Variants in CDC20B observed in about 807,000 individuals in gnomAD.
The protein encoded by CDC20B is cell division cycle protein 20 homolog B.
In CDC20B, 58 loss-of-function variants were observed where a neutral mutation model predicts 64.1. The ratio of observed to expected loss-of-function variants is 0.90; its 90% confidence interval spans 0.73 to 1.13. CDC20B has a LOEUF of 1.13. Ranked by LOEUF, CDC20B falls within the 50% of genes most tolerant of loss-of-function variation. CDC20B has a pLI of 0.00. For missense variants in CDC20B, 597 were observed against 633.0 expected, an observed-to-expected ratio of 0.94 and a Z score of 0.61; for synonymous variants, 243 against 230.6, an observed-to-expected ratio of 1.05 and a Z score of -0.49.
chr5:55,143,187 A>T (rs1279957424), intron 4 of CDC20B, among the ~76,000 whole-genome samples: 1 of 152,184 alleles, frequency 6.6e-6, no homozygotes, highest in Non-Finnish European at 1.5e-5. Flanking sequence ...ACAGCAAGAG[A>T]TCCTTAGGCT....
At position 55,120,440 on chromosome 5, in the gene CDC20B, T is replaced by C. The variant is rs201051311; in HGVS notation, c.1326A>G (p.Pro442=). Residue 442 remains proline (P), a synonymous_variant, in exon 10 of 12, where the codon CCA becomes CCG. Coordinates refer to ENST00000381375, the MANE Select transcript of CDC20B (RefSeq NM_001170402.1). The part of the protein sequence containing the change: ...DINAGKSIQT[P]STNSQICSLI... ...AGATATTAACCTGTGAGTTTGTGCT[T>C]GGGGTCTGGATGCTCTTCCCAGCAT... 13 of 1,613,670 alleles carry C rather than the reference T, an allele frequency of 8.1e-6. No homozygotes were observed. Among genetic ancestry groups the C allele is most frequent in the Non-Finnish European group, 1.1e-5 (13 of 1,179,770 alleles).
chr5:55,125,759 A>G (rs528275756), intron 8 of CDC20B, among the ~76,000 whole-genome samples: 137 of 152,370 alleles, frequency 9.0e-4, no homozygotes, highest in African/African-American at 3.2e-3. Context: ...CTCAAAGTCC[A>G]GTGTCGCATT....
chr5:55,119,764 T>A (rs1466920468), intron 11 of CDC20B, 37 bp downstream of exon 11: 1 of 1,260,164 alleles, frequency 7.9e-7, no homozygotes, highest in South Asian at 1.2e-5. Context: ...CTCACTTTGC[T>A]ATAGGTGCAT....
chr5:55,137,661 TAAGTC>T (rs920721336), intron 5 of CDC20B: 1 of 456,712 alleles, frequency 2.2e-6, no homozygotes. Flanking sequence ...GAGACATAGG[TAAGTC>T]AAGTCAAGTT....
intron 2 of CDC20B, among the ~76,000 whole-genome samples, chr5:55,171,898 C>T (rs1432894370): frequency 2.0e-5 from 3 of 152,286 alleles, no homozygotes; most frequent in South Asian, 2.1e-4. Context: ...AGCCACAGTG[C>T]CTAGTTGCAA....
At chr5:55,115,922 A>G (rs1448267090) in intron 11 of CDC20B, among the ~76,000 whole-genome samples, 3 of 152,172 alleles carry the variant, frequency 2.0e-5, no homozygotes, top group African/African-American at 7.2e-5. Flanking sequence ...CACACGCACC[A>G]GTAAAGGATG....
chr5:55,138,519 T>C (rs1195999690), intron 5 of CDC20B, among the ~76,000 whole-genome samples: 1 of 152,082 alleles, frequency 6.6e-6, no homozygotes, highest in Non-Finnish European at 1.5e-5. Context: ...AGAACTAAGC[T>C]CTTTACCCTA....
chr5:55,120,856 T>C (rs1742739570), intron 9 of CDC20B, among the ~76,000 whole-genome samples: 1 of 152,166 alleles, frequency 6.6e-6, no homozygotes, highest in Admixed American at 6.5e-5. Context: ...CAATACATCC[T>C]ATGGGGCAAA....
intron 5 of CDC20B, among the ~76,000 whole-genome samples, chr5:55,134,776 A>G (rs1743119903): frequency 6.6e-6 from 1 of 152,174 alleles, no homozygotes; most frequent in South Asian, 2.1e-4. Context: ...CCTTAAATGC[A>G]TATTACTAAG....
chr5:55,161,043 A>G, intron 2 of CDC20B: 1 of 1,614,092 alleles, frequency 6.2e-7, no homozygotes, highest in East Asian at 2.2e-5. Context: ...ACAGACAGAA[A>G]TTACTTAGGG....
intron 2 of CDC20B, among the ~76,000 whole-genome samples, chr5:55,156,837 G>C (rs1743822612): frequency 6.6e-6 from 1 of 152,156 alleles, no homozygotes; most frequent in African/African-American, 2.4e-5. Flanking sequence ...TTGCACCACT[G>C]CACTCCAGTC....
intron 2 of CDC20B, among the ~76,000 whole-genome samples, chr5:55,159,884 A>C (rs1743942557): frequency 6.6e-6 from 1 of 152,214 alleles, no homozygotes; most frequent in Non-Finnish European, 1.5e-5. Context: ...GTAGCTTTCG[A>C]GTTACAAGAG....
intron 2 of CDC20B, among the ~76,000 whole-genome samples, chr5:55,157,508 T>C (rs1047624051): frequency 2.0e-5 from 3 of 152,242 alleles, no homozygotes; most frequent in Admixed American, 6.5e-5. Context: ...AACATTAAAT[T>C]AACAAACTGG....
Position 55,114,270 on chromosome 5 carries a change from C to G in CDC20B, c.1508G>C (p.Arg503Pro). The G allele has an allele frequency of 1.2e-6, 2 of 1,613,962 alleles. No homozygotes were observed. Among genetic ancestry groups the G allele is most frequent in the Non-Finnish European group, 1.7e-6 (2 of 1,179,890 alleles). ...CCCATCAGCTGCAGCAGAAAACACC[C>G]GGGTCTGGTCTGGACTCAAAGACAG... is the stretch of plus-strand genomic sequence containing the variant. ...LHLSLSPDQT[R>P]VFSAAADGTA... Residue 503 changes from arginine to proline, a missense_variant, in exon 12 of 12, where the codon CGG (arginine) becomes CCG (proline). By Grantham distance (103) the Arg-to-Pro change is moderately radical. Transcript: ENST00000381375. This position sits in a 1 kb window ranked among gnomAD's most constrained non-coding sequence, Gnocchi z 4.1.
Position 55,146,798 on chromosome 5 carries a change from A to T in CDC20B, c.185T>A (p.Leu62Gln), listed in dbSNP as rs1358428269. The T allele has an allele frequency of 7.4e-6, 12 of 1,614,092 alleles. No homozygotes were observed. Among genetic ancestry groups the T allele is most frequent in the Non-Finnish European group, 1.0e-5 (12 of 1,180,046 alleles). ...SDFKSNFAKR[L>Q]SAEVPVASSP... ...ACTCGCAACAGGAACCTCTGCGGAC[A>T]GCCTCTTCGCAAAGTTGCTCTTAAA... Residue 62 changes from leucine (L) to glutamine (Q), a missense_variant, in exon 3 of 12, where the codon CTG becomes CAG. Physicochemically the swap from Leu to Gln is moderately radical, Grantham distance 113. Transcript: ENST00000381375.
At chr5:55,120,966 T>TG (rs376352678) in intron 9 of CDC20B, among the ~76,000 whole-genome samples, 66 of 152,274 alleles carry the variant, frequency 4.3e-4, no homozygotes, top group African/African-American at 1.6e-3. Flanking sequence ...TTCCAGGTAG[T>TG]GGTCAGATAA....
Position 55,124,895 on chromosome 5 carries a change from T to C in CDC20B, c.1123A>G (p.Ser375Gly), listed in dbSNP as rs910321110. The C allele has an allele frequency of 6.2e-7, 1 of 1,614,080 alleles. No homozygotes were observed. Among genetic ancestry groups the C allele is most frequent in the African/African-American group, 1.3e-5 (1 of 74,942 alleles). ...GGCCATATTGTCAGCAGTCCATCAC[T>C]GCAGCCGCTGGAAAGCAGCCTGCCA... Reference protein sequence around the residue: ...PDGRLLSSGCSDGLLTIWPHD... With the variant: ...PDGRLLSSGCGDGLLTIWPHD... The change falls in exon 9 of 12, where the codon AGT becomes GGT. Residue 375 changes from serine to glycine, a missense_variant. Physicochemically the swap from Ser to Gly is moderately conservative, Grantham distance 56. Transcript: ENST00000381375.
chr5:55,130,423 G>T (rs1273356097), intron 6 of CDC20B, among the ~76,000 whole-genome samples: 1 of 152,154 alleles, frequency 6.6e-6, no homozygotes, highest in Non-Finnish European at 1.5e-5. Context: ...AGTAGAGTCA[G>T]GTCTTAGAAG....
At chr5:55,164,882 G>A (rs906834057) in intron 2 of CDC20B, 3 of 152,002 alleles carry the variant, frequency 2.0e-5, no homozygotes, top group African/African-American at 7.2e-5. Context: ...ATTTATAAAT[G>A]ACCGTATTAT....
Sources: gnomAD v4.1 joint callset for allele counts (sites outside exome capture counted in the v4.1 genomes callset) on GRCh38, gnomAD v4.1.1 for gene constraint, Gnocchi (gnomAD v3.1) non-coding constraint, MANE v1.5 for transcripts, NCBI Gene and HGNC (gene_info 2026-07-23, HGNC 2026-07-21) for gene names.